The following CDCA7L variants were observed in gnomAD, a reference collection of about 807,000 sequenced individuals.
The protein encoded by CDCA7L is cell division cycle associated 7 like.
A neutral mutation model predicts 57.4 loss-of-function variants in CDCA7L; 44 were observed. That is an observed-to-expected ratio of 0.77 (90% confidence interval 0.60 to 0.98). The LOEUF (loss-of-function observed/expected upper bound fraction) is 0.98. CDCA7L is among the 50% of genes least tolerant of loss of function. The pLI, the probability that CDCA7L is intolerant of heterozygous loss-of-function variation, is 0.00. For missense variants in CDCA7L, 644 were observed against 580.6 expected (o/e 1.11, Z -1.12); for synonymous variants, 236 against 202.8 (o/e 1.16, Z -1.39).
intron 1 of CDCA7L, among the ~76,000 whole-genome samples, chr7:21,935,549 T>A (rs756954808): frequency 1.1e-4 from 16 of 149,168 alleles, no homozygotes; most frequent in Middle Eastern, 3.5e-3. Flanking sequence ...ATGAATAGAA[T>A]AGATAATAGA....
At chr7:21,912,269 G>T (rs4540316) in intron 2 of CDCA7L, among the ~76,000 whole-genome samples, 141,064 of 152,140 alleles carry the variant, frequency 0.93, 65,419 homozygotes, top group Admixed American at 0.95. Context: ...CACTCCAGCC[G>T]GGTGACAGAG....
chr7:21,901,414 A>G lies in CDCA7L; in HGVS notation c.*908T>C. 1 of 1,052,994 alleles carries G rather than the reference A, an allele frequency of 9.5e-7. No homozygotes were observed. Among genetic ancestry groups the G allele is most frequent in the Non-Finnish European group, 1.3e-6 (1 of 790,716 alleles). 65.2% of individuals were successfully genotyped at this position (1,052,994 alleles called of 1,614,324 possible). A position where few individuals can be genotyped will look rare whatever the true frequency, so the allele number is the denominator to read the frequency against. On this transcript the variant is annotated 3_prime_UTR_variant, in exon 10 of 10. Transcript: ENST00000406877. Reference sequence around the variant, plus strand: ...AGAGTGAAAGTCAGAAAAAAATACTAGAAACTAACTCAGGGCTGAGCGTGG... The same window carrying G: ...AGAGTGAAAGTCAGAAAAAAATACTGGAAACTAACTCAGGGCTGAGCGTGG...
intron 9 of CDCA7L, 134 bp downstream of exon 9, chr7:21,902,844 C>G: frequency 1.3e-6 from 1 of 749,426 alleles, no homozygotes; most frequent in Non-Finnish European, 2.2e-6. Context: ...CAAACAGATA[C>G]AGAATGGATG....
chr7:21,939,707 G>C (rs748295333), intron 1 of CDCA7L, among the ~76,000 whole-genome samples: 1 of 152,122 alleles, frequency 6.6e-6, no homozygotes, highest in African/African-American at 2.4e-5. Context: ...GGACTCTCCT[G>C]CCTGCCACAT....
At chr7:21,938,580 C>A (rs1407435081) in intron 1 of CDCA7L, among the ~76,000 whole-genome samples, 2 of 152,086 alleles carry the variant, frequency 1.3e-5, no homozygotes, top group Admixed American at 1.3e-4. Flanking sequence ...AAAGCAGGGA[C>A]TGAAGCAGAT....
intron 1 of CDCA7L, among the ~76,000 whole-genome samples, chr7:21,930,480 A>G (rs2128067326): frequency 6.6e-6 from 1 of 152,140 alleles, no homozygotes; most frequent in South Asian, 2.1e-4. Context: ...GCAGATCACG[A>G]GGTCAGGAGT....
chr7:21,945,454 C>A (rs972292919), intron 1 of CDCA7L, among the ~76,000 whole-genome samples: 2 of 152,180 alleles, frequency 1.3e-5, no homozygotes, highest in African/African-American at 4.8e-5. Flanking sequence ...GCCCCTCCCC[C>A]GTCTCACGAG....
At chr7:21,910,037 C>A (rs374051973) in intron 3 of CDCA7L, among the ~76,000 whole-genome samples, 2 of 152,250 alleles carry the variant, frequency 1.3e-5, no homozygotes, top group East Asian at 1.9e-4. Context: ...TTTGCAAGGG[C>A]CTGTGCTGAA....
chr7:21,918,370 C>T (rs189381977), intron 1 of CDCA7L, among the ~76,000 whole-genome samples: 1 of 152,350 alleles, frequency 6.6e-6, no homozygotes, highest in African/African-American at 2.4e-5. Context: ...GACATAGTAT[C>T]ATGTCACTCT....
At position 21,916,766 on chromosome 7, in the gene CDCA7L, C is replaced by G. The variant is rs1200553972; in HGVS notation, c.153G>C (p.Glu51Asp). 1 of 1,614,040 alleles carries G rather than the reference C, an allele frequency of 6.2e-7. No homozygotes were observed. Among genetic ancestry groups the G allele is most frequent in the South Asian group, 1.1e-5 (1 of 91,070 alleles). Residue 51 changes from glutamate to aspartate, a missense_variant, in exon 2 of 10, where the codon GAG becomes GAC. Physicochemically the swap from Glu to Asp is conservative, Grantham distance 45. Coordinates refer to ENST00000406877, the MANE Select transcript of CDCA7L (RefSeq NM_018719.5). ...EESCDSFDSLESGKQQDVRFH... is the reference protein window; with the variant it reads ...EESCDSFDSLDSGKQQDVRFH... ...GAATCATCCATACCTGTTTCCCTGA[C>G]TCTAGTGAGTCAAAACTATCGCAGC...
chr7:21,905,035 T>C (rs1464703712), intron 7 of CDCA7L, among the ~76,000 whole-genome samples: 1 of 152,020 alleles, frequency 6.6e-6, no homozygotes, highest in African/African-American at 2.4e-5. Flanking sequence ...ATTTAAAACT[T>C]GACAGTGTCC....
intron 2 of CDCA7L, among the ~76,000 whole-genome samples, chr7:21,913,170 T>C (rs773692459): frequency 1.4e-4 from 21 of 152,156 alleles, no homozygotes; most frequent in African/African-American, 4.8e-4. Context: ...ATAGATATAA[T>C]AGACAAGTGG....
chr7:21,933,698 T>C (rs915349358), intron 1 of CDCA7L, among the ~76,000 whole-genome samples: 1 of 151,982 alleles, frequency 6.6e-6, no homozygotes, highest in African/African-American at 2.4e-5. Context: ...AAATAACTAA[T>C]GTAGACGACG....
chr7:21,901,070 C>G lies in CDCA7L; in HGVS notation c.*1252G>C. 6.2e-7 allele frequency: 1 copy of G among 1,613,916 alleles called. No individual in the cohort carries two copies. Among genetic ancestry groups the G allele is most frequent in the Non-Finnish European group, 8.5e-7 (1 of 1,179,816 alleles). On this transcript the variant is annotated 3_prime_UTR_variant, in exon 10 of 10. Transcript: ENST00000406877. ...GCCCGTCTCAAGGAGCTGGCATGCCCTATGCCGGTCATCTTTGCAAAAGCC... is the reference window on the plus strand; with the variant it reads ...GCCCGTCTCAAGGAGCTGGCATGCCGTATGCCGGTCATCTTTGCAAAAGCC...
chr7:21,929,258 G>C (rs987109094), intron 1 of CDCA7L, among the ~76,000 whole-genome samples: 4 of 152,154 alleles, frequency 2.6e-5, no homozygotes, highest in Admixed American at 2.6e-4. Flanking sequence ...CAAATGCTGA[G>C]AGATTTTGTC....
At chr7:21,931,294 T>C (rs1431915493) in intron 1 of CDCA7L, among the ~76,000 whole-genome samples, 3 of 152,188 alleles carry the variant, frequency 2.0e-5, no homozygotes, top group Admixed American at 6.5e-5. Context: ...AGCATCATCC[T>C]GATACCAAAA....
At chr7:21,922,774 C>A (rs973711695) in intron 1 of CDCA7L, among the ~76,000 whole-genome samples, 1 of 152,056 alleles carries the variant, frequency 6.6e-6, no homozygotes, top group Non-Finnish European at 1.5e-5. Flanking sequence ...AAGTATCCAT[C>A]GATGGATAAA....
At chr7:21,931,252 A>T (rs1786000512) in intron 1 of CDCA7L, among the ~76,000 whole-genome samples, 1 of 152,210 alleles carries the variant, frequency 6.6e-6, no homozygotes, top group African/African-American at 2.4e-5. Context: ...ACAGAAAAAG[A>T]GGGAATCCTC....
At chr7:21,916,678 G>C in intron 2 of CDCA7L, 76 bp downstream of exon 2, 1 of 1,367,668 alleles carries the variant, frequency 7.3e-7, no homozygotes, top group South Asian at 1.2e-5. Flanking sequence ...CTCACACCAT[G>C]TTCAAATAAA....
Sources: gnomAD v4.1 joint callset for allele counts (sites outside exome capture counted in the v4.1 genomes callset) on GRCh38, gnomAD v4.1.1 for gene constraint, MANE v1.5 for transcripts, NCBI Gene and HGNC (gene_info 2026-07-23, HGNC 2026-07-21) for gene names.